The following CCSER1 variants were observed in gnomAD, a reference collection of about 807,000 sequenced individuals.
CCSER1 encodes the protein coiled-coil serine rich protein 1.
CCSER1 carries 41 observed loss-of-function variants against 82.0 expected under a neutral mutation model. The ratio of observed to expected loss-of-function variants is 0.50; its 90% CI spans 0.39 to 0.65. The LOEUF is 0.65. Among genes scored for constraint, CCSER1 ranks in the 30% least tolerant of loss-of-function variants. The pLI is 0.00. For synonymous variants in CCSER1, 414 were observed against 383.9 expected (o/e 1.08, Z -0.92); for missense variants, 1,119 against 1,064.2 (o/e 1.05, Z -0.72).
At chr4:90,264,077 A>C (rs1378125269) in intron 1 of CCSER1, among the ~76,000 whole-genome samples, 1 of 152,222 alleles carries the variant, frequency 6.6e-6, no homozygotes, top group Admixed American at 6.5e-5. Context: ...GCACCATAGT[A>C]AAGAGGACCT....
chr4:90,287,088 T>C (rs1730039744), intron 1 of CCSER1, among the ~76,000 whole-genome samples: 3 of 151,844 alleles, frequency 2.0e-5, no homozygotes, highest in Admixed American at 2.0e-4. Context: ...ACTGCTTTAC[T>C]TTTTTCCAAG....
intron 1 of CCSER1, among the ~76,000 whole-genome samples, chr4:90,157,588 T>A (rs1000502799): frequency 2.6e-5 from 4 of 152,192 alleles, no homozygotes; most frequent in East Asian, 1.9e-4. Flanking sequence ...TATTCTTTTT[T>A]CTCTAAATTT....
At chr4:91,069,103 G>A (rs1190160294) in intron 9 of CCSER1, among the ~76,000 whole-genome samples, 1 of 152,060 alleles carries the variant, frequency 6.6e-6, no homozygotes, top group South Asian at 2.1e-4. Flanking sequence ...GAAACTAGGA[G>A]GCAGAGGTTG....
At chr4:91,019,874 A>AT (rs956405061) in intron 9 of CCSER1, among the ~76,000 whole-genome samples, 2 of 152,010 alleles carry the variant, frequency 1.3e-5, no homozygotes, top group Non-Finnish European at 2.9e-5. Context: ...ACACATTGCT[A>AT]TTTCTTTTTA....
At chr4:91,594,514 C>A (rs1224226176) in intron 10 of CCSER1, among the ~76,000 whole-genome samples, 2 of 149,354 alleles carry the variant, frequency 1.3e-5, no homozygotes, top group African/African-American at 4.9e-5. Flanking sequence ...CTATCTATAT[C>A]TATCTATCTT....
chr4:90,564,311 T>C (rs1411911909), intron 5 of CCSER1, among the ~76,000 whole-genome samples: 1 of 152,118 alleles, frequency 6.6e-6, no homozygotes, highest in African/African-American at 2.4e-5. Context: ...CGCCTTGCCC[T>C]CCTAAAGTGC....
chr4:90,347,792 G>A (rs766076391), intron 3 of CCSER1, among the ~76,000 whole-genome samples: 1 of 152,078 alleles, frequency 6.6e-6, no homozygotes, highest in Non-Finnish European at 1.5e-5. Context: ...CTAGAAAATA[G>A]AAGAAAATGT....
intron 10 of CCSER1, among the ~76,000 whole-genome samples, chr4:91,206,893 G>A (rs1424127824): frequency 6.6e-6 from 1 of 151,692 alleles, no homozygotes; most frequent in Admixed American, 6.6e-5. Flanking sequence ...CAACTATTTG[G>A]GCATTATTTA....
intron 1 of CCSER1, among the ~76,000 whole-genome samples, chr4:90,243,325 T>C (rs918254443): frequency 6.6e-6 from 1 of 151,988 alleles, no homozygotes; most frequent in African/African-American, 2.4e-5. Context: ...CTAGACTCAC[T>C]GCAACCTCCG....
At chr4:90,818,509 T>G (rs1364987064) in intron 8 of CCSER1, among the ~76,000 whole-genome samples, 1 of 152,156 alleles carries the variant, frequency 6.6e-6, no homozygotes, top group Non-Finnish European at 1.5e-5. Context: ...ACTCCTTACC[T>G]CAAATTATCT....
intron 10 of CCSER1, among the ~76,000 whole-genome samples, chr4:91,148,526 G>A (rs1289752434): frequency 6.6e-6 from 1 of 151,790 alleles, no homozygotes; most frequent in East Asian, 1.9e-4. Flanking sequence ...GGGTTCATGT[G>A]CGCAACGTGC....
intron 10 of CCSER1, among the ~76,000 whole-genome samples, chr4:91,227,099 ATTAG>A (rs1738259588): frequency 6.6e-6 from 1 of 151,936 alleles, no homozygotes; most frequent in African/African-American, 2.4e-5. Flanking sequence ...TCTTTGTATT[ATTAG>A]TTAGCTATGT....
intron 10 of CCSER1, among the ~76,000 whole-genome samples, chr4:91,442,860 A>T (rs1755279916): frequency 6.6e-6 from 1 of 152,188 alleles, no homozygotes; most frequent in South Asian, 2.1e-4. Flanking sequence ...CAGCCAAAAA[A>T]CACATGAAAA....
At chr4:91,161,334 G>C (rs1340430751) in intron 10 of CCSER1, among the ~76,000 whole-genome samples, 1 of 151,960 alleles carries the variant, frequency 6.6e-6, no homozygotes, top group African/African-American at 2.4e-5. Context: ...AGTCAGGTAG[G>C]GTGATGCTTC....
intron 1 of CCSER1, among the ~76,000 whole-genome samples, chr4:90,231,864 C>T (rs1384942554): frequency 6.7e-6 from 1 of 149,582 alleles, no homozygotes; most frequent in African/African-American, 2.5e-5. Flanking sequence ...AGTGAACTCC[C>T]ATTCACAATT....
chr4:91,353,257 C>A (rs1055956894), intron 10 of CCSER1, among the ~76,000 whole-genome samples: 6 of 152,078 alleles, frequency 3.9e-5, no homozygotes, highest in African/African-American at 1.2e-4. Flanking sequence ...CTTTTAAGGG[C>A]TCACAACACT....
chr4:90,364,042 A>G (rs1297882377), intron 3 of CCSER1, among the ~76,000 whole-genome samples: 1 of 152,160 alleles, frequency 6.6e-6, no homozygotes, highest in Non-Finnish European at 1.5e-5. Flanking sequence ...AAAAAAAAGT[A>G]GGAAATGATT....
intron 6 of CCSER1, among the ~76,000 whole-genome samples, chr4:90,637,046 A>T (rs549182537): frequency 2.2e-4 from 34 of 152,330 alleles, no homozygotes; most frequent in African/African-American, 8.2e-4. Context: ...TGTAAAATCT[A>T]GTAGACTAAA....
chr4:90,462,976 T>G (rs560638607), intron 4 of CCSER1, among the ~76,000 whole-genome samples: 1 of 152,150 alleles, frequency 6.6e-6, no homozygotes, highest in African/African-American at 2.4e-5. Context: ...ATAAGTCATT[T>G]TGAAGGACAG....
Sources: allele counts gnomAD v4.1 joint callset (sites outside exome capture counted in the v4.1 genomes callset), GRCh38; gene constraint gnomAD v4.1.1; transcripts MANE v1.5; gene names NCBI Gene and HGNC (gene_info 2026-07-23, HGNC 2026-07-21).